The following RGS8 variants were observed in gnomAD, a reference collection of about 807,000 sequenced individuals.
The protein encoded by RGS8 is regulator of G-protein signaling 8.
In RGS8, 8 loss-of-function variants were observed where a neutral mutation model predicts 21.7. The observed-to-expected ratio is 0.37, with a 90% CI of 0.22 to 0.66. RGS8 has a LOEUF of 0.66. RGS8 is among the 30% of genes least tolerant of loss of function. The pLI is 0.59. For synonymous variants in RGS8, 80 were observed against 83.6 expected, an observed-to-expected ratio of 0.96 and a Z score of 0.24; for missense variants, 157 against 217.9, an observed-to-expected ratio of 0.72 and a Z score of 1.76.
At chr1:182,716,989 A>G in the RGS8 span, among the ~76,000 whole-genome samples, 1 of 152,184 alleles carries the variant, frequency 6.6e-6, no homozygotes. Context: ...CTTGTCTCAC[A>G]GGAAATTTGG....
At chr1:182,734,344 A>T in the RGS8 span, 27 of 152,330 alleles carry the variant, frequency 1.8e-4, no homozygotes, top group Middle Eastern at 3.4e-3. Flanking sequence ...AATTATAATG[A>T]TAAGAATTAT....
the RGS8 span, chr1:182,733,875 GTTATTTATTTATTTAT>G: frequency 1.7e-4 from 25 of 149,530 alleles, no homozygotes; most frequent in South Asian, 2.8e-3. Flanking sequence ...TAGATACCAA[GTTATTTATTTATTTAT>G]TTATTTATTT....
the RGS8 span, among the ~76,000 whole-genome samples, chr1:182,719,095 C>T: frequency 6.6e-6 from 1 of 152,210 alleles, no homozygotes; most frequent in Non-Finnish European, 1.5e-5. Flanking sequence ...CTTGTCCCAA[C>T]AGCTCATTAC....
rs1664166365 is a variant in RGS8 at position 182,671,676 on chromosome 1, T to A, written c.-123A>T. ...ACTCACTGTCTTTGGCCAGTCCTCA[T>A]GGCCTGAGGGTCTTTGCCAACTGGA... is the stretch of plus-strand genomic sequence containing the variant. On this transcript the variant is annotated 5_prime_UTR_variant, in exon 2 of 7. An upstream start codon of the reference 5' UTR is lost. Coordinates refer to ENST00000483095, the Ensembl canonical transcript of RGS8. 4 of 1,614,052 alleles carry A rather than the reference T, an allele frequency of 2.5e-6. No individual in the cohort carries two copies. Among genetic ancestry groups the A allele is most frequent in the African/African-American group, 1.3e-5 (1 of 74,920 alleles).
the RGS8 span, among the ~76,000 whole-genome samples, chr1:182,705,575 TGGGTGAG>T: frequency 6.6e-6 from 1 of 151,104 alleles, no homozygotes; most frequent in African/African-American, 2.4e-5. Flanking sequence ...AGCATTGATG[TGGGTGAG>T]TATGAAGGAG....
the RGS8 span, among the ~76,000 whole-genome samples, chr1:182,736,581 C>G: frequency 6.6e-6 from 1 of 152,134 alleles, no homozygotes; most frequent in Non-Finnish European, 1.5e-5. Flanking sequence ...GACATAAAAC[C>G]ACAAGCCAGT....
chr1:182,717,317 A>T, the RGS8 span, among the ~76,000 whole-genome samples: 3 of 152,232 alleles, frequency 2.0e-5, no homozygotes, highest in Non-Finnish European at 2.9e-5. Context: ...CGGAGGAGCA[A>T]GAGGGAAAGA....
chr1:182,727,279 C>A, the RGS8 span, among the ~76,000 whole-genome samples: 1 of 152,160 alleles, frequency 6.6e-6, no homozygotes, highest in Admixed American at 6.5e-5. Context: ...GTAGAATGAG[C>A]TAATAATAGC....
chr1:182,684,659 A>ACGCAGAGT (rs1441454277), upstream of RGS8: 1 of 152,356 alleles, frequency 6.6e-6, no homozygotes, highest in African/African-American at 2.4e-5. This position sits in a 1 kb window ranked among gnomAD's most constrained non-coding sequence, Gnocchi z 4.2. Context: ...GCGCACTGCC[A>ACGCAGAGT]CGCAGAGTCG....
At chr1:182,692,507 A>T in the RGS8 span, among the ~76,000 whole-genome samples, 1 of 152,118 alleles carries the variant, frequency 6.6e-6, no homozygotes, top group Non-Finnish European at 1.5e-5. Context: ...TTCCATGCTC[A>T]TGGATAGGAA....
At chr1:182,645,169 A>G (rs892855723), downstream of RGS8, 14 of 152,196 alleles carry the variant, frequency 9.2e-5, 1 homozygote, top group African/African-American at 3.4e-4. Flanking sequence ...TTAAAAGGAA[A>G]ATGGTTCAGC....
At chr1:182,743,179 G>A in the RGS8 span, among the ~76,000 whole-genome samples, 2 of 152,318 alleles carry the variant, frequency 1.3e-5, no homozygotes, top group Middle Eastern at 6.8e-3. Flanking sequence ...TTTGGAATGA[G>A]AAGACCTGAA....
At chr1:182,748,172 G>A in the RGS8 span, among the ~76,000 whole-genome samples, 1 of 152,168 alleles carries the variant, frequency 6.6e-6, no homozygotes, top group Non-Finnish European at 1.5e-5. Flanking sequence ...TTCACCAACT[G>A]TAGTTGTGTT....
At chr1:182,740,211 C>T in the RGS8 span, among the ~76,000 whole-genome samples, 1 of 152,206 alleles carries the variant, frequency 6.6e-6, no homozygotes, top group Non-Finnish European at 1.5e-5. Context: ...TAATAGAGAC[C>T]TAAGTGCTGT....
intron 5 of RGS8, among the ~76,000 whole-genome samples, chr1:182,653,268 G>A (rs1571314503): frequency 6.6e-6 from 1 of 152,160 alleles, no homozygotes; most frequent in African/African-American, 2.4e-5. Context: ...TGGTGAATGA[G>A]ACTGAATGAA....
At chr1:182,711,477 C>T in the RGS8 span, among the ~76,000 whole-genome samples, 1 of 152,202 alleles carries the variant, frequency 6.6e-6, no homozygotes, top group African/African-American at 2.4e-5. Flanking sequence ...CAAAATAGGA[C>T]ACAGGCTGGA....
intron 5 of RGS8, among the ~76,000 whole-genome samples, chr1:182,659,972 A>T (rs1663504914): frequency 6.6e-6 from 1 of 152,196 alleles, no homozygotes; most frequent in African/African-American, 2.4e-5. Context: ...AAGAAACCCT[A>T]TTGGCAATTC....
the RGS8 span, among the ~76,000 whole-genome samples, chr1:182,725,252 G>A: frequency 6.6e-6 from 1 of 152,132 alleles, no homozygotes; most frequent in East Asian, 1.9e-4. Context: ...CACAAGTTTA[G>A]TCCAAAACAA....
intron 5 of RGS8, among the ~76,000 whole-genome samples, chr1:182,650,533 T>C (rs1262658323): frequency 6.6e-6 from 1 of 152,088 alleles, no homozygotes; most frequent in East Asian, 1.9e-4. Context: ...CACAAGGAGA[T>C]TTAAGTTTGG....
Sources: allele counts gnomAD v4.1 joint callset (sites outside exome capture counted in the v4.1 genomes callset), GRCh38; gene constraint gnomAD v4.1.1; non-coding constraint Gnocchi (gnomAD v3.1); transcripts MANE v1.5; gene names NCBI Gene and HGNC (gene_info 2026-07-23, HGNC 2026-07-21).